RBBP7: variants seen among roughly 807,000 people sequenced by gnomAD.
RBBP7 encodes the protein histone-binding protein RBBP7.
A neutral mutation model predicts 35.2 loss-of-function variants in RBBP7; 5 were observed. The ratio of observed to expected loss-of-function variants is 0.14; its 90% confidence interval spans 0.07 to 0.30. RBBP7 has a LOEUF of 0.30. RBBP7 is among the 10% of genes least tolerant of loss of function. The pLI, the probability that RBBP7 is intolerant of heterozygous loss-of-function variation, is 1.00. For missense variants in RBBP7, 155 were observed against 327.5 expected (o/e 0.47, Z 4.07); for synonymous variants, 140 against 118.7 (o/e 1.18, Z -1.17).
At chrX:16,863,157 C>G in intron 2 of RBBP7, 57 bp from the exon 3 acceptor site, 1 of 1,086,513 alleles carries the variant, frequency 9.2e-7, no homozygotes, top group Non-Finnish European at 1.3e-6. Context: ...CAATTGCTAA[C>G]AAATTCAGTC....
rs1238523804 is a variant in RBBP7 at position 16,855,616 on chromosome X, C to T, written c.598-1774G>A. Among the ~76,000 whole-genome samples the T allele has an allele frequency of 2.7e-5, 3 of 110,643 alleles. No individual in the cohort carries two copies. In the East Asian group the frequency reaches 8.5e-4, roughly 31 times the overall value. Reference sequence around the variant, plus strand: ...CAGCTATTATTATTACTACCAATTCCCAGCCTGGTCTCTTCAAAAGGTACT... The same window carrying T: ...CAGCTATTATTATTACTACCAATTCTCAGCCTGGTCTCTTCAAAAGGTACT... On this transcript the variant is annotated intron_variant, in intron 5 of 11. Coordinates refer to ENST00000380087, the MANE Select transcript of RBBP7 (RefSeq NM_002893.4).
At chrX:16,862,810 G>T in intron 3 of RBBP7, 145 bp downstream of exon 3, 1 of 599,670 alleles carries the variant, frequency 1.7e-6, no homozygotes, top group Non-Finnish European at 2.5e-6. Flanking sequence ...AAATCCTTGT[G>T]CACATGTGGG....
At chrX:16,856,525 G>A (rs1030898678) in intron 5 of RBBP7, among the ~76,000 whole-genome samples, 6 of 104,012 alleles carry the variant, frequency 5.8e-5, no homozygotes, top group East Asian at 6.4e-4. Flanking sequence ...GACAGACTCC[G>A]TCTCAAAAAA....
At chrX:16,866,523 CAAAAAAAAAAAAAAAAA>C (rs55729039) in intron 2 of RBBP7, among the ~76,000 whole-genome samples, 4 of 32,583 alleles carry the variant, frequency 1.2e-4, no homozygotes, top group Non-Finnish European at 1.5e-4. Context: ...GAGACTGTCT[CAAAAAAAAAAAAAAAAA>C]AAAAAAAAAA....
chrX:16,860,026 C>T (rs960784934), intron 3 of RBBP7, among the ~76,000 whole-genome samples: 1 of 110,985 alleles, frequency 9.0e-6, no homozygotes, highest in African/African-American at 3.3e-5. Context: ...CATGTGACCA[C>T]ATGCAAAAGG....
Position 16,870,242 on chromosome X carries a change from G to A in RBBP7, c.-189C>T. The A allele has an allele frequency of 1.7e-6, 1 of 582,675 alleles. No individual in the cohort carries two copies. Among genetic ancestry groups the A allele is most frequent in the Non-Finnish European group, 2.2e-6 (1 of 462,335 alleles). The allele number at this position is 582,675 out of a possible 1,213,427, so 48.0% of individuals were successfully genotyped here. A position where few individuals can be genotyped will look rare whatever the true frequency, so the allele number is the denominator to read the frequency against. On this transcript the variant is annotated 5_prime_UTR_variant, in exon 1 of 12. Transcript: ENST00000380087. The stretch of plus-strand genomic sequence containing the variant: ...CTTCTTTCCTGCCTCCTCCCCGCTC[G>A]CGGGTACCGAGGTCTGAGGCGCTCT...
intron 10 of RBBP7, chrX:16,846,464 C>CT (rs750764785): frequency 1.2e-4 from 13 of 111,667 alleles, no homozygotes; most frequent in African/African-American, 4.2e-4. Flanking sequence ...AGGCATACTT[C>CT]TTGCCCATCT....
intron 2 of RBBP7, among the ~76,000 whole-genome samples, chrX:16,868,714 A>G (rs952466566): frequency 8.9e-6 from 1 of 112,672 alleles, no homozygotes; most frequent in Admixed American, 9.4e-5. Context: ...ATCAAGCCAT[A>G]CAACACTTAA....
intron 2 of RBBP7, among the ~76,000 whole-genome samples, chrX:16,864,535 AAAAAAAAAAAAAG>A (rs1325628414): frequency 4.4e-5 from 4 of 90,457 alleles, no homozygotes; most frequent in African/African-American, 1.3e-4. Flanking sequence ...CCAAAAAAAA[AAAAAAAAAAAAAG>A]AAAAAGAAAG....
chrX:16,865,552 T>TC (rs1317055288), intron 2 of RBBP7, among the ~76,000 whole-genome samples: 1 of 111,975 alleles, frequency 8.9e-6, no homozygotes, highest in Non-Finnish European at 1.9e-5. Context: ...TTACTAGAAA[T>TC]CCCTTCACCT....
chrX:16,855,556 T>C (rs1297491929), intron 5 of RBBP7, among the ~76,000 whole-genome samples: 1 of 111,734 alleles, frequency 8.9e-6, no homozygotes, highest in African/African-American at 3.3e-5. Context: ...AAGATTAGCA[T>C]GATGCTTGGC....
rs192983478 is a variant in RBBP7, at chrX:16,859,755, T to A, written c.308-906A>T. Among the ~76,000 whole-genome samples, 29 of 111,736 alleles carry A rather than the reference T, an allele frequency of 2.6e-4. 1 individual carries two copies. In the Admixed American group the frequency reaches 2.7e-3, roughly 10 times the overall value. The stretch of plus-strand genomic sequence containing the variant: ...CCCTGTGTCTCAGGTCAGGGACAAC[T>A]AACACAAATGCCTACTGGAGCCAGA... On this transcript the variant is annotated intron_variant, in intron 3 of 11. Transcript: ENST00000380087.
Position 16,852,825 on chromosome X carries a change from G to A in RBBP7, c.809C>T (p.Ala270Val). The change falls in exon 7 of 12, where the codon GCG (alanine) becomes GTG (valine). Residue 270 changes from alanine to valine, a missense_variant. Transcript: ENST00000380087. The stretch of plus-strand genomic sequence containing the variant: ...GAGGCAGTTGACTTCGGCAGTGTGC[G>A]CATCCACCAAGTGACTCGGCTTGGA... ...TTSKPSHLVD[A>V]HTAEVNCLSF... is the part of the protein sequence containing the mutation. 1 of 1,211,940 alleles carries A rather than the reference G, an allele frequency of 8.3e-7. No homozygotes were observed. Among genetic ancestry groups the A allele is most frequent in the Non-Finnish European group, 1.1e-6 (1 of 895,587 alleles).
chrX:16,860,823 C>T (rs1234200098), intron 3 of RBBP7, among the ~76,000 whole-genome samples: 2 of 111,154 alleles, frequency 1.8e-5, no homozygotes, highest in East Asian at 5.6e-4. Context: ...GACTGTTAAA[C>T]TGCAAGCCCG....
intron 10 of RBBP7, chrX:16,846,674 G>A (rs377004977): frequency 2.7e-5 from 3 of 112,156 alleles, no homozygotes; most frequent in African/African-American, 6.5e-5. Flanking sequence ...AGATTTAAAC[G>A]AAACACTTCT....
intron 5 of RBBP7, among the ~76,000 whole-genome samples, 194 bp from the exon 6 acceptor site, chrX:16,854,036 T>C (rs1272470690): frequency 7.3e-5 from 8 of 110,147 alleles, no homozygotes; most frequent in African/African-American, 2.6e-4. Flanking sequence ...CAAGCCACCA[T>C]GCCTGGCTCA....
Position 16,870,178 on chromosome X carries a change from C to A in RBBP7, c.-125G>T, listed in dbSNP as rs1930750975. ...CACTCCCCACTGTCGAAAGCCCGGGCCCCGTCTTGCTGCCTGGGTGCTCCC... is the reference window on the plus strand; with the variant it reads ...CACTCCCCACTGTCGAAAGCCCGGGACCCGTCTTGCTGCCTGGGTGCTCCC... On this transcript the variant is annotated 5_prime_UTR_variant, in exon 1 of 12. Transcript: ENST00000380087. 1 of 852,833 alleles carries A rather than the reference C, an allele frequency of 1.2e-6. No individual in the cohort carries two copies. 70.3% of individuals were successfully genotyped at this position (852,833 alleles called of 1,213,427 possible).
At chrX:16,849,367 C>T (rs1930161515) in intron 9 of RBBP7, 66 bp from the exon 10 acceptor site, 2 of 953,316 alleles carry the variant, frequency 2.1e-6, no homozygotes, top group Non-Finnish European at 3.0e-6. Flanking sequence ...TCTGCTAAAC[C>T]AGTATCAGCC....
chrX:16,858,539 T>G, intron 4 of RBBP7, 137 bp downstream of exon 4: 2 of 953,647 alleles, frequency 2.1e-6, no homozygotes, highest in Non-Finnish European at 2.8e-6. Flanking sequence ...TCCCTGAACT[T>G]GAGGATGGTT....
Sources: allele counts gnomAD v4.1 joint callset (sites outside exome capture counted in the v4.1 genomes callset), GRCh38; gene constraint gnomAD v4.1.1; transcripts MANE v1.5; gene names NCBI Gene and HGNC (gene_info 2026-07-23, HGNC 2026-07-21).